Variants in ADGRL2 observed in about 807,000 individuals in gnomAD.
The protein encoded by ADGRL2 is adhesion G protein-coupled receptor L2.
A neutral mutation model predicts 157.4 loss-of-function variants in ADGRL2; 44 were observed. The ratio of observed to expected loss-of-function variants is 0.28; its 90% CI spans 0.22 to 0.36. ADGRL2 has a LOEUF of 0.36. Ranked by LOEUF, ADGRL2 falls within the 10% of genes least tolerant of loss-of-function variation. The pLI is 1.00. For missense variants in ADGRL2, 1,510 were observed against 1,768.9 expected (o/e 0.85, Z 2.63); for synonymous variants, 585 against 624.7 (o/e 0.94, Z 0.95).
intron 2 of ADGRL2, among the ~76,000 whole-genome samples, chr1:81,785,054 C>A (rs1476765609): frequency 6.6e-6 from 1 of 152,150 alleles, no homozygotes; most frequent in East Asian, 1.9e-4. Flanking sequence ...GAGAAAATTT[C>A]TATTACGAAG....
chr1:81,591,770 C>T (rs2081138128), intron 3 of ADGRL2, among the ~76,000 whole-genome samples: 5 of 152,160 alleles, frequency 3.3e-5, no homozygotes, highest in Admixed American at 3.3e-4. Flanking sequence ...TATTGGAGTG[C>T]CCCATGTGGC....
intron 1 of ADGRL2, among the ~76,000 whole-genome samples, chr1:81,394,935 G>T (rs975913198): frequency 1.3e-5 from 2 of 150,774 alleles, no homozygotes; most frequent in African/African-American, 4.9e-5. Flanking sequence ...GTCTTGCTCT[G>T]TCACCCTGGC....
chr1:81,971,845 A>G lies in ADGRL2; in HGVS notation c.2955-7A>G, dbSNP rs1658852532. ...TACTAATGCATATTCTTCTCTTTTC[A>G]TAATAGTTGCTGGCTTCATGTTGAT... On this transcript the variant is annotated splice_region_variant and splice_polypyrimidine_tract_variant and intron_variant, in intron 16 of 23. Transcript: ENST00000686636. 1 of 1,570,580 alleles carries G rather than the reference A, an allele frequency of 6.4e-7. No homozygotes were observed.
chr1:81,968,043 T>C lies in ADGRL2; in HGVS notation c.2367T>C (p.Asn789=), dbSNP rs1657643991. 1.2e-6 allele frequency: 2 copies of C among 1,613,812 alleles called. No homozygotes were observed. Among genetic ancestry groups the C allele is most frequent in the Non-Finnish European group, 1.7e-6 (2 of 1,179,828 alleles). ...TTTCCCAGCCTGACAATTATTTCAA[T>C]GCAAACTGCTCCTTCTGGAACTACT... The part of the protein sequence containing the change: ...LPHIDPDNYF[N]ANCSFWNYSE... The change falls in exon 14 of 24, where the codon AAT becomes AAC. Residue 789 remains asparagine, a synonymous_variant. Coordinates refer to ENST00000686636, the MANE Select transcript of ADGRL2 (RefSeq NM_001366006.2).
chr1:81,846,018 T>G (rs1053560494), intron 2 of ADGRL2, among the ~76,000 whole-genome samples: 3 of 151,940 alleles, frequency 2.0e-5, no homozygotes, highest in African/African-American at 7.2e-5. Context: ...TATTTTTATT[T>G]AAATTTTGAA....
intron 2 of ADGRL2, chr1:81,502,350 G>C: frequency 1.2e-6 from 2 of 1,614,162 alleles, no homozygotes; most frequent in Non-Finnish European, 1.7e-6. Flanking sequence ...GGTTTGGCCT[G>C]GAGTGATGAT....
chr1:81,711,069 A>G (rs1482339526), intron 1 of ADGRL2, among the ~76,000 whole-genome samples: 1 of 152,180 alleles, frequency 6.6e-6, no homozygotes, highest in Non-Finnish European at 1.5e-5. Context: ...ATTTCATGAA[A>G]CATTTTAAAA....
At chr1:81,470,598 A>C (rs2078150974) in intron 2 of ADGRL2, among the ~76,000 whole-genome samples, 1 of 152,244 alleles carries the variant, frequency 6.6e-6, no homozygotes, top group African/African-American at 2.4e-5. Context: ...GCAAAGAAAC[A>C]CACACAAAAA....
intron 2 of ADGRL2, among the ~76,000 whole-genome samples, chr1:81,895,235 A>C (rs556537466): frequency 6.6e-6 from 1 of 152,184 alleles, no homozygotes; most frequent in South Asian, 2.1e-4. Flanking sequence ...CCCTTATAGA[A>C]ACCTTTGAGG....
chr1:81,327,648 C>G (rs1660991367), intron 1 of ADGRL2, among the ~76,000 whole-genome samples: 1 of 152,088 alleles, frequency 6.6e-6, no homozygotes, highest in Non-Finnish European at 1.5e-5. Flanking sequence ...TCTATGTGGA[C>G]CTTTAAAAAG....
At chr1:81,920,072 CAG>C (rs2094942823) in intron 3 of ADGRL2, among the ~76,000 whole-genome samples, 1 of 152,088 alleles carries the variant, frequency 6.6e-6, no homozygotes, top group South Asian at 2.1e-4. Flanking sequence ...TATCATGAAG[CAG>C]AGTTAGCCAA....
At chr1:81,855,452 AAAAAC>A (rs2093168969) in intron 2 of ADGRL2, among the ~76,000 whole-genome samples, 1 of 152,170 alleles carries the variant, frequency 6.6e-6, no homozygotes, top group South Asian at 2.1e-4. Flanking sequence ...AAAAAACCAA[AAAAAC>A]AAAACTAAAC....
chr1:81,990,482 T>G lies in ADGRL2; in HGVS notation c.3747T>G (p.Gly1249=), dbSNP rs1572552340. 1 of 1,613,946 alleles carries G rather than the reference T, an allele frequency of 6.2e-7. No individual in the cohort carries two copies. Among genetic ancestry groups the G allele is most frequent in the Non-Finnish European group, 8.5e-7 (1 of 1,179,946 alleles). Residue 1249 remains glycine, a synonymous_variant, in exon 24 of 24, where the codon GGT becomes GGG. Coordinates refer to ENST00000686636, the MANE Select transcript of ADGRL2 (RefSeq NM_001366006.2). ...NFNNSYSLHK[G]DYNDSVQVVD... ...ACAACAGCTACTCGCTGCACAAGGGTGACTATAATGACAGCGTGCAAGTTG... is the reference window on the plus strand; with the variant it reads ...ACAACAGCTACTCGCTGCACAAGGGGGACTATAATGACAGCGTGCAAGTTG...
At chr1:81,900,241 C>A in intron 2 of ADGRL2, among the ~76,000 whole-genome samples, 1 of 152,110 alleles carries the variant, frequency 6.6e-6, no homozygotes, top group East Asian at 1.9e-4. Flanking sequence ...GAATTGTCAA[C>A]AACAACCATT....
rs893328372 is a variant in ADGRL2 at position 81,501,866 on chromosome 1, G to A, written c.-248+56777G>A. The A allele has an allele frequency of 3.1e-6, 5 of 1,599,880 alleles. No homozygotes were observed. In the African/African-American group the frequency reaches 5.4e-5, roughly 17 times the overall value. ...GGCTCCTCTGCAGATGGATGCCAGA[G>A]AGAAGCAGGGCCAGCAGATGAGAGA... is the stretch of plus-strand genomic sequence containing the variant. On this transcript the variant is annotated intron_variant, in intron 2 of 24. Transcript: ENST00000370721.
intron 1 of ADGRL2, among the ~76,000 whole-genome samples, chr1:81,370,687 G>A (rs2076147073): frequency 6.6e-6 from 1 of 152,092 alleles, no homozygotes; most frequent in African/African-American, 2.4e-5. Context: ...GCATAGGACA[G>A]AGTACTTCAG....
At chr1:81,956,087 T>A in intron 11 of ADGRL2, 27 bp downstream of exon 11, 1 of 1,532,396 alleles carries the variant, frequency 6.5e-7, no homozygotes, top group Non-Finnish European at 8.8e-7. Flanking sequence ...TCAAGTTTAA[T>A]TTTGATTTAG....
intron 3 of ADGRL2, among the ~76,000 whole-genome samples, chr1:81,935,848 C>T (rs1291328252): frequency 6.6e-6 from 1 of 151,828 alleles, no homozygotes; most frequent in African/African-American, 2.4e-5. Context: ...ATCATTTTAT[C>T]TGGAATTCTA....
At chr1:81,828,197 A>G (rs751998778) in intron 1 of ADGRL2, among the ~76,000 whole-genome samples, 5 of 152,208 alleles carry the variant, frequency 3.3e-5, no homozygotes, top group Non-Finnish European at 7.3e-5. Flanking sequence ...AGTGGCAGAC[A>G]TACATAGTTA....
Sources: gnomAD v4.1 joint callset for allele counts (sites outside exome capture counted in the v4.1 genomes callset) on GRCh38, gnomAD v4.1.1 for gene constraint, MANE v1.5 for transcripts, NCBI Gene and HGNC (gene_info 2026-07-23, HGNC 2026-07-21) for gene names.